Variants in LCP1 observed in about 807,000 individuals in gnomAD.
The protein encoded by LCP1 is plastin-2.
LCP1 carries 23 observed loss-of-function variants against 72.0 expected under a neutral mutation model. The observed-to-expected ratio is 0.32, with a 90% CI of 0.23 to 0.45. LCP1 has a LOEUF of 0.45. Among genes scored for constraint, LCP1 ranks in the 20% least tolerant of loss-of-function variants. The probability of loss-of-function intolerance (pLI) is 1.00; values close to 1 mark genes in which losing one functional copy is unlikely to be tolerated. For synonymous variants in LCP1, 245 were observed against 275.4 expected, an observed-to-expected ratio of 0.89 and a Z score of 1.09; for missense variants, 571 against 748.3, an observed-to-expected ratio of 0.76 and a Z score of 2.76.
chr13:46,172,473 G>A (rs2045909151), intron 1 of LCP1, among the ~76,000 whole-genome samples: 1 of 152,026 alleles, frequency 6.6e-6, no homozygotes, highest in South Asian at 2.1e-4. Context: ...CACAGAGCAA[G>A]GCTCCATTAC....
At chr13:46,132,463 C>A (rs2146880) in intron 14 of LCP1, among the ~76,000 whole-genome samples, 65,268 of 151,988 alleles carry the variant, frequency 0.43, 14,326 homozygotes, top group South Asian at 0.49. Flanking sequence ...TAGGAAGTTA[C>A]TTGAGCTTTG....
At position 46,156,373 on chromosome 13, in the gene LCP1, G is replaced by A. The variant is rs1198223655; in HGVS notation, c.491+65C>T. ...ACAAAGTTGGCCTACGATAAATAAC[G>A]ATTAATTGTTGATGGTCTAGAAAAT... On this transcript the variant is annotated intron_variant, in intron 5 of 15. Coordinates refer to ENST00000323076, the MANE Select transcript of LCP1 (RefSeq NM_002298.5). 35 of 1,586,776 alleles carry A rather than the reference G, an allele frequency of 2.2e-5. No homozygotes were observed. The Admixed American group carries it at 2.6e-4, about 12-fold the overall frequency.
At chr13:46,155,188 C>A (rs945104985) in intron 5 of LCP1, among the ~76,000 whole-genome samples, 1 of 152,220 alleles carries the variant, frequency 6.6e-6, no homozygotes, top group East Asian at 1.9e-4. Flanking sequence ...GGGTGGATAA[C>A]CAAAGTAATT....
intron 1 of LCP1, among the ~76,000 whole-genome samples, chr13:46,176,455 C>T (rs999220158): frequency 6.6e-6 from 1 of 152,090 alleles, no homozygotes; most frequent in Non-Finnish European, 1.5e-5. Context: ...AAAGTTGCAC[C>T]TGAGGTTAAT....
intron 13 of LCP1, among the ~76,000 whole-genome samples, chr13:46,134,532 A>G (rs2045652494): frequency 6.6e-6 from 1 of 152,198 alleles, no homozygotes; most frequent in South Asian, 2.1e-4. Flanking sequence ...GAAAAAATGC[A>G]AGGAAAGGAA....
chr13:46,126,730 C>T lies in LCP1; in HGVS notation c.*861G>A, dbSNP rs2045600680. The T allele has an allele frequency of 2.2e-5, 5 of 231,308 alleles. No individual in the cohort carries two copies. The South Asian group carries it at 9.1e-4, about 42-fold the overall frequency. 14.3% of individuals were successfully genotyped at this position (231,308 alleles called of 1,614,324 possible). On this transcript the variant is annotated 3_prime_UTR_variant, in exon 16 of 16. Transcript: ENST00000323076. ...AACCCTAAAGGATGCTTAGTTATAGCTCCATGCTGCCGCCGAGTGGCTTGA... is the reference window on the plus strand; with the variant it reads ...AACCCTAAAGGATGCTTAGTTATAGTTCCATGCTGCCGCCGAGTGGCTTGA...
At position 46,130,826 on chromosome 13, in the gene LCP1, A is replaced by T. The variant is rs776396362; in HGVS notation, c.1739T>A (p.Leu580His). 4.3e-6 allele frequency: 7 copies of T among 1,612,392 alleles called. No individual in the cohort carries two copies. In the East Asian group the frequency reaches 1.6e-4, roughly 36 times the overall value. Residue 580 changes from leucine (L) to histidine (H), a missense_variant, in exon 15 of 16, where the codon CTC becomes CAC. Transcript: ENST00000323076. ...TTTATTTACGTACTTTGCATTGTTG[A>T]GTTTCTCATCATCATTCAGATTTTC... ...KTENLNDDEK[L>H]NNAKYAISMA...
intron 1 of LCP1, among the ~76,000 whole-genome samples, chr13:46,177,967 T>C (rs1178617692): frequency 6.6e-6 from 1 of 152,190 alleles, no homozygotes; most frequent in Non-Finnish European, 1.5e-5. Context: ...TGGGGAAGTA[T>C]TATGATTATT....
At chr13:46,149,146 A>G (rs1231969118) in intron 8 of LCP1, among the ~76,000 whole-genome samples, 1 of 152,252 alleles carries the variant, frequency 6.6e-6, no homozygotes, top group African/African-American at 2.4e-5. Context: ...ATGAAAGCAT[A>G]CAGATTTTCA....
At chr13:46,160,881 A>C (rs1446959344) in intron 1 of LCP1, among the ~76,000 whole-genome samples, 1 of 152,180 alleles carries the variant, frequency 6.6e-6, no homozygotes, top group Non-Finnish European at 1.5e-5. Context: ...GATTTAAAAA[A>C]AAATTTGTGA....
intron 12 of LCP1, 132 bp downstream of exon 12, chr13:46,143,158 T>G (rs1486797684): frequency 8.2e-6 from 5 of 606,922 alleles, no homozygotes; most frequent in Non-Finnish European, 1.5e-5. Flanking sequence ...AGGTTTCTGA[T>G]TGCTGTACTA....
In LCP1 at chr13:46,175,689, C is replaced by T. The variant is rs111598258; in HGVS notation, c.-25+6422G>A. Among the ~76,000 whole-genome samples the T allele has an allele frequency of 4.5e-3, 679 of 152,076 alleles. 8 individuals carry two copies. The highest frequency in any genetic ancestry group is 0.016 in the African/African-American group (648 of 41,456). On this transcript the variant is annotated intron_variant, in intron 1 of 15. Coordinates refer to ENST00000323076, the MANE Select transcript of LCP1 (RefSeq NM_002298.5). ...ATCCATGATATTTTGAGGAACAGTCCCAACATGAATGACAGCAAGAAAAGG... is the reference window on the plus strand; with the variant it reads ...ATCCATGATATTTTGAGGAACAGTCTCAACATGAATGACAGCAAGAAAAGG...
intron 1 of LCP1, among the ~76,000 whole-genome samples, chr13:46,175,421 T>C (rs541642707): frequency 6.6e-6 from 1 of 152,336 alleles, no homozygotes; most frequent in Admixed American, 6.5e-5. Context: ...GAGCCCAGAA[T>C]ATAAATCCAA....
At chr13:46,145,421 TG>T (rs1391963756) in intron 10 of LCP1, among the ~76,000 whole-genome samples, 1 of 152,026 alleles carries the variant, frequency 6.6e-6, no homozygotes, top group African/African-American at 2.4e-5. Flanking sequence ...AAATAATTAG[TG>T]TATGAGGTAA....
intron 9 of LCP1, 106 bp from the exon 10 acceptor site, chr13:46,147,209 T>C: frequency 1.0e-6 from 1 of 981,012 alleles, no homozygotes; most frequent in Non-Finnish European, 1.4e-6. Context: ...CATTAGTGTT[T>C]ATCTCAGGCA....
chr13:46,141,405 C>CA (rs762462829), intron 13 of LCP1, among the ~76,000 whole-genome samples: 9,705 of 52,052 alleles, frequency 0.19, 1,253 homozygotes, highest in Non-Finnish European at 0.24. Context: ...GACTCTGTCT[C>CA]AAAAAAAAAA....
intron 11 of LCP1, 102 bp from the exon 12 acceptor site, chr13:46,143,506 C>G (rs1226083783): frequency 2.7e-6 from 2 of 735,590 alleles, no homozygotes; most frequent in Admixed American, 4.3e-5. Context: ...AGAATATTCA[C>G]AACAACCCTG....
intron 15 of LCP1, among the ~76,000 whole-genome samples, chr13:46,128,002 AGTT>A (rs1156792915): frequency 1.0e-5 from 1 of 96,398 alleles, no homozygotes; most frequent in African/African-American, 4.0e-5. Flanking sequence ...TTTTAAGTTA[AGTT>A]TTTTTTTTTT....
chr13:46,159,084 A>C, intron 2 of LCP1, 95 bp from the exon 3 acceptor site: 1 of 1,124,770 alleles, frequency 8.9e-7, no homozygotes. Context: ...AAGGGACGAG[A>C]GAGGCTATCA....
Sources: gnomAD v4.1 joint callset for allele counts (sites outside exome capture counted in the v4.1 genomes callset) on GRCh38, gnomAD v4.1.1 for gene constraint, MANE v1.5 for transcripts, NCBI Gene and HGNC (gene_info 2026-07-23, HGNC 2026-07-21) for gene names.